RBFOX1: variants seen among roughly 807,000 people sequenced by gnomAD.
RBFOX1 encodes the protein RNA binding protein fox-1 homolog 1.
In RBFOX1, 8 loss-of-function variants were observed where a neutral mutation model predicts 57.7. The observed-to-expected ratio is 0.14, with a 90% CI of 0.08 to 0.25. The LOEUF (loss-of-function observed/expected upper bound fraction) is 0.25, where lower values mean the gene tolerates loss of function less well. RBFOX1 is among the 10% of genes least tolerant of loss of function. The pLI is 1.00. For missense variants in RBFOX1, 611 were observed against 548.5 expected (o/e 1.11, Z -1.14); for synonymous variants, 326 against 222.4 (o/e 1.47, Z -4.15).
At chr16:7,051,670 A>C (rs1454234879) in intron 3 of RBFOX1, among the ~76,000 whole-genome samples, 3 of 152,200 alleles carry the variant, frequency 2.0e-5, no homozygotes, top group African/African-American at 7.2e-5. Flanking sequence ...CTGACTTATC[A>C]TGACCATCTG....
intron 3 of RBFOX1, among the ~76,000 whole-genome samples, chr16:6,658,797 C>A (rs1202971312): frequency 1.3e-5 from 2 of 152,058 alleles, no homozygotes; most frequent in Non-Finnish European, 2.9e-5. Flanking sequence ...ATGAATGTAC[C>A]TGCTTGGATG....
At chr16:7,282,721 C>A (rs1215484648) in intron 4 of RBFOX1, among the ~76,000 whole-genome samples, 2 of 152,124 alleles carry the variant, frequency 1.3e-5, no homozygotes, top group Non-Finnish European at 2.9e-5. Context: ...GGCTTTTACC[C>A]CTCACCTCCT....
chr16:7,123,049 G>A lies in RBFOX1; in HGVS notation c.27+70951G>A, dbSNP rs144017630. Among the ~76,000 whole-genome samples the A allele has an allele frequency of 5.9e-5, 9 of 152,190 alleles. No homozygotes were observed. The South Asian group carries it at 6.2e-4, about 11-fold the overall frequency. On this transcript the variant is annotated intron_variant, in intron 4 of 15. Coordinates refer to ENST00000550418, the MANE Select transcript of RBFOX1 (RefSeq NM_018723.4). ...AGGGGCTGCCAGGGATTAGGGGTTG[G>A]GGGGAGGGTAGTTGCAAATGAATAG...
intron 2 of RBFOX1, among the ~76,000 whole-genome samples, chr16:6,391,315 C>T (rs1194564691): frequency 6.6e-6 from 1 of 152,164 alleles, no homozygotes; most frequent in African/African-American, 2.4e-5. Context: ...CCAGACCATC[C>T]TGGCTAACAC....
At chr16:7,457,273 T>C (rs916107698) in intron 4 of RBFOX1, among the ~76,000 whole-genome samples, 2 of 152,122 alleles carry the variant, frequency 1.3e-5, no homozygotes, top group African/African-American at 4.8e-5. Flanking sequence ...CAGTTGACTG[T>C]TGTGTCATGG....
At chr16:5,390,300 T>C (rs1031637660) in intron 1 of RBFOX1, among the ~76,000 whole-genome samples, 2 of 150,296 alleles carry the variant, frequency 1.3e-5, no homozygotes, top group Non-Finnish European at 3.0e-5. Context: ...TCTTTTTTTT[T>C]TTTTTTTAAA....
chr16:6,474,598 CTT>C (rs1009571400), intron 2 of RBFOX1, among the ~76,000 whole-genome samples: 4 of 152,166 alleles, frequency 2.6e-5, no homozygotes, highest in Non-Finnish European at 4.4e-5. Flanking sequence ...TTCTATGCTA[CTT>C]TAGCATGGGA....
At chr16:7,239,110 C>A (rs1049734792) in intron 4 of RBFOX1, among the ~76,000 whole-genome samples, 1 of 152,094 alleles carries the variant, frequency 6.6e-6, no homozygotes, top group Non-Finnish European at 1.5e-5. Context: ...TATACACATG[C>A]ATGTCTTTTT....
chr16:5,889,172 C>G (rs1456367118), intron 4 of RBFOX1, among the ~76,000 whole-genome samples: 1 of 152,134 alleles, frequency 6.6e-6, no homozygotes, highest in African/African-American at 2.4e-5. Flanking sequence ...GTTTGCTGCA[C>G]AGATCAACTC....
At chr16:7,322,678 C>A (rs150673368) in intron 4 of RBFOX1, among the ~76,000 whole-genome samples, 1 of 152,112 alleles carries the variant, frequency 6.6e-6, no homozygotes, top group Admixed American at 6.6e-5. Context: ...GTGGTTCATG[C>A]CTCAAAAATA....
intron 2 of RBFOX1, among the ~76,000 whole-genome samples, chr16:6,633,751 G>A (rs576780768): frequency 9.9e-5 from 15 of 152,270 alleles, no homozygotes; most frequent in Admixed American, 6.5e-5. Flanking sequence ...GCTCATGCCT[G>A]TAATCCTTAG....
At chr16:6,676,171 C>G (rs1160101343) in intron 3 of RBFOX1, among the ~76,000 whole-genome samples, 2 of 148,840 alleles carry the variant, frequency 1.3e-5, no homozygotes, top group Non-Finnish European at 2.9e-5. Context: ...CACACACACA[C>G]ACACACACAC....
chr16:7,633,394 G>A (rs2061288368), intron 11 of RBFOX1, among the ~76,000 whole-genome samples: 3 of 152,220 alleles, frequency 2.0e-5, no homozygotes, highest in Admixed American at 1.3e-4. Context: ...CGTATTACCT[G>A]CACATTATAT....
chr16:6,705,144 T>G (rs1004567030), intron 3 of RBFOX1: 4 of 152,222 alleles, frequency 2.6e-5, no homozygotes, highest in Non-Finnish European at 4.4e-5. Context: ...GGCAAATGTT[T>G]CAGTGAGATG....
chr16:6,574,578 G>A (rs1462432316), intron 2 of RBFOX1, among the ~76,000 whole-genome samples: 5 of 150,408 alleles, frequency 3.3e-5, no homozygotes, highest in Admixed American at 6.6e-5. Context: ...ACAGGCGCCC[G>A]CCACCAAGCC....
At chr16:5,792,017 C>T (rs1034178657) in intron 3 of RBFOX1, among the ~76,000 whole-genome samples, 1 of 152,118 alleles carries the variant, frequency 6.6e-6, no homozygotes, top group Admixed American at 6.5e-5. Context: ...GCTGGCTCTC[C>T]CCCGCAACCC....
chr16:6,691,696 C>T (rs1295715854), intron 3 of RBFOX1, among the ~76,000 whole-genome samples: 2 of 152,162 alleles, frequency 1.3e-5, no homozygotes, highest in African/African-American at 2.4e-5. Context: ...CTGTCCACGT[C>T]CTAATCCCCA....
chr16:7,087,216 G>A (rs1399721190), intron 4 of RBFOX1, among the ~76,000 whole-genome samples: 1 of 152,100 alleles, frequency 6.6e-6, no homozygotes, highest in East Asian at 1.9e-4. Flanking sequence ...TTTACTTTGA[G>A]TTTAAAAAAA....
At chr16:6,492,384 A>C (rs574846196) in intron 2 of RBFOX1, among the ~76,000 whole-genome samples, 11 of 152,270 alleles carry the variant, frequency 7.2e-5, no homozygotes, top group African/African-American at 2.6e-4. Flanking sequence ...CCTGGCCAAC[A>C]TAGTGGAACC....
Sources: gnomAD v4.1 joint callset for allele counts (sites outside exome capture counted in the v4.1 genomes callset) on GRCh38, gnomAD v4.1.1 for gene constraint, MANE v1.5 for transcripts, NCBI Gene and HGNC (gene_info 2026-07-23, HGNC 2026-07-21) for gene names.